ZNF334: variants seen among roughly 807,000 people sequenced by gnomAD.
The protein encoded by ZNF334 is zinc finger protein 334.
ZNF334 carries 14 observed loss-of-function variants against 12.4 expected under a neutral mutation model. The observed-to-expected ratio is 1.13, with a 90% CI of 0.74 to 1.76. The LOEUF (loss-of-function observed/expected upper bound fraction) is 1.76. Among genes scored for constraint, ZNF334 ranks in the 40% most tolerant of loss-of-function variants. The pLI is 0.00. For synonymous variants in ZNF334, 273 were observed against 269.6 expected (o/e 1.01, Z -0.12); for missense variants, 797 against 804.5 (o/e 0.99, Z 0.11).
At position 46,501,621 on chromosome 20, in the gene ZNF334, T is replaced by G; in HGVS notation, c.1718A>C (p.Glu573Ala). The change falls in exon 5 of 5, where the codon GAG becomes GCG. Residue 573 changes from glutamate to alanine, a missense_variant. Glu to Ala is a moderately radical substitution (Grantham distance 107, BLOSUM62 -1). Coordinates refer to ENST00000692313, the MANE Select transcript of ZNF334 (RefSeq NM_001353824.2). Reference protein sequence around the residue: ...QRTHTGQRPYECNECGKTFCQ... With the variant: ...QRTHTGQRPYACNECGKTFCQ... Reference sequence around the variant, plus strand: ...GAAGGTTTTCCCACATTCATTACACTCATAGGGTCTCTGTCCTGTGTGTGT... The same window carrying G: ...GAAGGTTTTCCCACATTCATTACACGCATAGGGTCTCTGTCCTGTGTGTGT... 2 of 1,614,184 alleles carry G rather than the reference T, an allele frequency of 1.2e-6. No individual in the cohort carries two copies. Among genetic ancestry groups the G allele is most frequent in the Non-Finnish European group, 1.7e-6 (2 of 1,180,022 alleles).
the ZNF334 span, among the ~76,000 whole-genome samples, chr20:46,482,563 A>G: frequency 0.023 from 3,518 of 152,318 alleles, 127 homozygotes; most frequent in African/African-American, 0.079. Context: ...TTAACAATGC[A>G]GATGAATAAT....
In ZNF334 at chr20:46,500,283, AG is replaced by A. The variant is rs1419476427; in HGVS notation, c.*1012del. The A allele has an allele frequency of 6.6e-6, 1 of 152,232 alleles. No individual in the cohort carries two copies. The highest frequency in any genetic ancestry group is 1.5e-5 in the Non-Finnish European group (1 of 68,048). 9.4% of individuals were successfully genotyped at this position (152,232 alleles called of 1,614,324 possible). On this transcript the variant is annotated 3_prime_UTR_variant, in exon 5 of 5. Coordinates refer to ENST00000692313, the MANE Select transcript of ZNF334 (RefSeq NM_001353824.2). ...CCACTCATGGAAATCAGAACTTGAA[AG>A]GTAAACATTTCCCAATAACCCCATA... is the stretch of plus-strand genomic sequence containing the variant.
the ZNF334 span, among the ~76,000 whole-genome samples, chr20:46,483,498 C>T: frequency 6.6e-6 from 1 of 151,878 alleles, no homozygotes. Flanking sequence ...CATTTTCTAA[C>T]ATTTTAATAG....
Position 46,501,483 on chromosome 20 carries a change from C to T in ZNF334, c.1856G>A (p.Arg619Lys), listed in dbSNP as rs146816699. 3.7e-6 allele frequency: 6 copies of T among 1,613,568 alleles called. No individual in the cohort carries two copies. The highest frequency in any genetic ancestry group is 5.1e-6 in the Non-Finnish European group (6 of 1,179,858). ...FCHKSAFRVHRRIHTGEKPYE... is the reference protein window; with the variant it reads ...FCHKSAFRVHKRIHTGEKPYE... ...TGGTTTCTCTCCTGTGTGAATTCTT[C>T]TATGGACTCTGAAGGCTGACTTATG... Residue 619 changes from arginine (R) to lysine (K), a missense_variant, in exon 5 of 5, where the codon AGA (arginine) becomes AAA (lysine). Physicochemically the swap from Arg to Lys is conservative, Grantham distance 26. Coordinates refer to ENST00000692313, the MANE Select transcript of ZNF334 (RefSeq NM_001353824.2).
rs2061140786 is a variant in ZNF334 at position 46,501,078 on chromosome 20, A to G, written c.*218T>C. The G allele has an allele frequency of 9.5e-6, 5 of 524,626 alleles. No individual in the cohort carries two copies. Among genetic ancestry groups the G allele is most frequent in the Non-Finnish European group, 1.6e-5 (5 of 309,960 alleles). 32.5% of individuals were successfully genotyped at this position (524,626 alleles called of 1,614,324 possible). ...GGCATAACCTTTGAATTGCTGTTGA[A>G]TATTTTCATAGTTCACAATGAATAA... On this transcript the variant is annotated 3_prime_UTR_variant, in exon 5 of 5. Transcript: ENST00000692313.
chr20:46,496,258 G>C (rs2061022097), downstream of ZNF334, among the ~76,000 whole-genome samples: 1 of 152,148 alleles, frequency 6.6e-6, no homozygotes, highest in African/African-American at 2.4e-5. Context: ...CCTAAGGCAT[G>C]CTGTAACAGT....
the ZNF334 span, among the ~76,000 whole-genome samples, chr20:46,488,278 G>T: frequency 2.0e-5 from 3 of 146,846 alleles, no homozygotes. Flanking sequence ...CACCTTTATT[G>T]GCTTATTAGC....
chr20:46,498,304 T>C (rs1484653625), downstream of ZNF334, among the ~76,000 whole-genome samples: 1 of 152,206 alleles, frequency 6.6e-6, no homozygotes, highest in Non-Finnish European at 1.5e-5. Flanking sequence ...GTGATAGTTT[T>C]CCAAAGCTAG....
At chr20:46,470,969 C>G in the ZNF334 span, among the ~76,000 whole-genome samples, 21 of 152,122 alleles carry the variant, frequency 1.4e-4, no homozygotes, top group African/African-American at 5.1e-4. Flanking sequence ...AAGATATTAC[C>G]TAAGACTGTA....
At position 46,501,304 on chromosome 20, in the gene ZNF334, T is replaced by C. The variant is rs1304832109; in HGVS notation, c.2035A>G (p.Lys679Glu). ...TATTACTTTGTTGGAACTTATTCCT[T>C]GTGGGATTTCTGATGTAAAAGAAAG... The part of the protein sequence containing the change: ...SNFLLHQKSH[K>E]E The change falls in exon 5 of 5, where the codon AAG becomes GAG. Residue 679 changes from lysine (K) to glutamate (E), a missense_variant. Physicochemically the swap from Lys to Glu is moderately conservative, Grantham distance 56. Transcript: ENST00000692313. 6.2e-7 allele frequency: 1 copy of C among 1,610,048 alleles called. No individual in the cohort carries two copies. Among genetic ancestry groups the C allele is most frequent in the Non-Finnish European group, 8.5e-7 (1 of 1,177,722 alleles).
the ZNF334 span, among the ~76,000 whole-genome samples, chr20:46,466,268 TAAA>T: frequency 2.8e-4 from 42 of 152,236 alleles, no homozygotes; most frequent in South Asian, 2.7e-3. Flanking sequence ...TAAAAACAAG[TAAA>T]AACACACTTA....
At chr20:46,464,691 C>CTTCT in the ZNF334 span, 153,635 of 455,154 alleles carry the variant, frequency 0.34, 29,228 homozygotes, top group African/African-American at 0.64. Context: ...GGCAAAGCAG[C>CTTCT]TTGTTATCAC....
intron 2 of ZNF334, chr20:46,506,517 G>A (rs1469895684): frequency 1.3e-5 from 5 of 392,546 alleles, no homozygotes; most frequent in Non-Finnish European, 1.8e-5. Flanking sequence ...TCGGGTGGCT[G>A]AGGCAAGAGG....
intron 2 of ZNF334, chr20:46,506,651 C>A: frequency 3.7e-6 from 1 of 270,132 alleles, no homozygotes. Context: ...GTAACCACTA[C>A]ATGTGAAAAA....
At chr20:46,478,242 C>T in the ZNF334 span, among the ~76,000 whole-genome samples, 1 of 152,130 alleles carries the variant, frequency 6.6e-6, no homozygotes, top group Non-Finnish European at 1.5e-5. Flanking sequence ...GGTGGTCAGG[C>T]TACAACTTGG....
chr20:46,512,851 C>T lies in ZNF334; in HGVS notation c.-350G>A, dbSNP rs558215618. Reference sequence around the variant, plus strand: ...AAATTGGTTTTTAGTCTTTCCTTTACCCCTATCGTGTAGCTCTGTAAGGGG... The same window carrying T: ...AAATTGGTTTTTAGTCTTTCCTTTATCCCTATCGTGTAGCTCTGTAAGGGG... On this transcript the variant is annotated 5_prime_UTR_variant, in exon 1 of 5. Coordinates refer to ENST00000692313, the MANE Select transcript of ZNF334 (RefSeq NM_001353824.2). 1.3e-5 allele frequency: 2 copies of T among 152,198 alleles called. No homozygotes were observed. The highest frequency in any genetic ancestry group is 1.9e-4 in the East Asian group (1 of 5,176). 9.4% of individuals were successfully genotyped at this position (152,198 alleles called of 1,614,324 possible). A position where few individuals can be genotyped will look rare whatever the true frequency, so the allele number is the denominator to read the frequency against.
At chr20:46,488,185 T>C in the ZNF334 span, among the ~76,000 whole-genome samples, 1 of 152,100 alleles carries the variant, frequency 6.6e-6, no homozygotes, top group Admixed American at 6.5e-5. Flanking sequence ...TCATATCTGT[T>C]CTTCCCCCTT....
chr20:46,485,027 T>C, the ZNF334 span: 1 of 167,392 alleles, frequency 6.0e-6, no homozygotes. Flanking sequence ...GCACACGTGA[T>C]GTCCTCTTTG....
chr20:46,465,577 T>C, the ZNF334 span, among the ~76,000 whole-genome samples: 1 of 152,094 alleles, frequency 6.6e-6, no homozygotes, highest in Non-Finnish European at 1.5e-5. Flanking sequence ...TAGAAAAAAT[T>C]AGCTGGGCAT....
Sources: gnomAD v4.1 joint callset for allele counts (sites outside exome capture counted in the v4.1 genomes callset) on GRCh38, gnomAD v4.1.1 for gene constraint, MANE v1.5 for transcripts, NCBI Gene and HGNC (gene_info 2026-07-23, HGNC 2026-07-21) for gene names.